GRIN2B: variants seen among roughly 807,000 people sequenced by gnomAD.
The protein encoded by GRIN2B is glutamate receptor ionotropic, NMDA 2B.
In GRIN2B, 5 loss-of-function variants were observed where a neutral mutation model predicts 114.5. The ratio of observed to expected loss-of-function variants is 0.04; its 90% CI spans 0.02 to 0.09. The LOEUF is 0.09. Among genes scored for constraint, GRIN2B ranks in the 10% least tolerant of loss-of-function variants. The pLI is 1.00. For missense variants in GRIN2B, 1,108 were observed against 1,943.5 expected (o/e 0.57, Z 8.08); for synonymous variants, 787 against 745.1 (o/e 1.06, Z -0.92).
chr12:13,643,484 C>T (rs571137521), intron 5 of GRIN2B, among the ~76,000 whole-genome samples: 3 of 152,226 alleles, frequency 2.0e-5, no homozygotes, highest in South Asian at 2.1e-4. Flanking sequence ...AGGAGGATCT[C>T]GCCTCCACGT....
chr12:13,590,519 A>G (rs185574918), intron 10 of GRIN2B, among the ~76,000 whole-genome samples: 1 of 151,996 alleles, frequency 6.6e-6, no homozygotes, highest in East Asian at 1.9e-4. Flanking sequence ...TTAGTTTCTC[A>G]CTAGTTTGTT....
chr12:13,855,070 T>G (rs1202342141), intron 3 of GRIN2B, among the ~76,000 whole-genome samples: 1 of 62,528 alleles, frequency 1.6e-5, no homozygotes, highest in African/African-American at 7.1e-5. Flanking sequence ...AAAAAAAAAA[T>G]TGCCTGGCGT....
chr12:13,681,879 T>C (rs10492133), intron 4 of GRIN2B, among the ~76,000 whole-genome samples: 26,025 of 152,080 alleles, frequency 0.17, 2,375 homozygotes, highest in South Asian at 0.21. Context: ...CTCTCTACCA[T>C]GTGAATGGAA....
intron 4 of GRIN2B, among the ~76,000 whole-genome samples, chr12:13,684,638 A>AT (rs1950161211): frequency 6.6e-6 from 1 of 152,132 alleles, no homozygotes. Flanking sequence ...TCACTGGATT[A>AT]TTTTTCCTTT....
At position 13,563,922 on chromosome 12, in the gene GRIN2B, C is replaced by G; in HGVS notation, c.3316G>C (p.Glu1106Gln). 1 of 1,614,162 alleles carries G rather than the reference C, an allele frequency of 6.2e-7. No homozygotes were observed. Among genetic ancestry groups the G allele is most frequent in the Non-Finnish European group, 8.5e-7 (1 of 1,180,010 alleles). ...GGCGGTCGGCGACGGTAGGCCAGCT[C>G]GATCTCGTCAAACTCCCTGCGGGAC... The part of the protein sequence containing the change: ...AKSRREFDEI[E>Q]LAYRRRPPRS... Residue 1106 changes from glutamate to glutamine, a missense_variant, in exon 14 of 14, where the codon GAG becomes CAG. Physicochemically the swap from Glu to Gln is conservative, Grantham distance 29 (BLOSUM62 2). Around this residue, in one of 19 missense-constraint regions of GRIN2B, gnomAD observed 18 missense variants for 23.6 expected, o/e 0.76. Transcript: ENST00000609686.
chr12:13,777,603 A>G (rs1001813967), intron 3 of GRIN2B, among the ~76,000 whole-genome samples: 1 of 152,198 alleles, frequency 6.6e-6, no homozygotes, highest in African/African-American at 2.4e-5. Context: ...CCTAAACAAG[A>G]GAAGGTGCCT....
chr12:13,956,350 C>G (rs955998544), intron 2 of GRIN2B, among the ~76,000 whole-genome samples: 4 of 152,128 alleles, frequency 2.6e-5, no homozygotes, highest in Non-Finnish European at 5.9e-5. Flanking sequence ...TAAAGGCTTC[C>G]GAGGAGGCAG....
intron 3 of GRIN2B, among the ~76,000 whole-genome samples, chr12:13,861,882 G>A (rs144431122): frequency 4.6e-5 from 7 of 152,284 alleles, no homozygotes; most frequent in African/African-American, 1.7e-4. Context: ...ATGGCCTTCA[G>A]CTTCACCTGC....
rs1325009200 is a variant in GRIN2B, at chr12:13,547,853, T to C, written c.*14930A>G. 2.0e-5 allele frequency: 3 copies of C among 151,572 alleles called. No homozygotes were observed. Among genetic ancestry groups the C allele is most frequent in the Non-Finnish European group, 4.4e-5 (3 of 67,920 alleles). 9.4% of individuals were successfully genotyped at this position (151,572 alleles called of 1,614,324 possible). ...TTGTCGCAGTGTTGAAACTCTGAGA[T>C]AAGAATTCCTTGCCCATCTTCTAAC... On this transcript the variant is annotated 3_prime_UTR_variant, in exon 14 of 14. Coordinates refer to ENST00000609686, the MANE Select transcript of GRIN2B (RefSeq NM_000834.5).
At chr12:13,794,494 C>T (rs1286880540) in intron 3 of GRIN2B, among the ~76,000 whole-genome samples, 1 of 152,192 alleles carries the variant, frequency 6.6e-6, no homozygotes, top group East Asian at 1.9e-4. Flanking sequence ...CTGTGAACCA[C>T]TCCCCACTAA....
intron 4 of GRIN2B, among the ~76,000 whole-genome samples, chr12:13,682,054 C>T (rs1216467824): frequency 6.6e-6 from 1 of 152,012 alleles, no homozygotes; most frequent in Non-Finnish European, 1.5e-5. Flanking sequence ...AGAAAAGAGG[C>T]AAAGATATTT....
In GRIN2B at chr12:13,753,965, A is replaced by C; in HGVS notation, c.412-50T>G. 5 of 1,222,498 alleles carry C rather than the reference A, an allele frequency of 4.1e-6. No homozygotes were observed. Among genetic ancestry groups the C allele is most frequent in the South Asian group, 1.2e-5 (1 of 81,062 alleles). The allele number at this position is 1,222,498 out of a possible 1,614,324, so 75.7% of individuals were successfully genotyped here. A position where few individuals can be genotyped will look rare whatever the true frequency, so the allele number is the denominator to read the frequency against. On this transcript the variant is annotated intron_variant, in intron 3 of 13. Transcript: ENST00000609686. This position sits in a 1 kb window ranked among gnomAD's most constrained non-coding sequence, Gnocchi z 6.2. Reference sequence around the variant, plus strand: ...AGGAAGAGAGAAAAAAATCAAACCAAAGATGGTAATGGAGATTTTGAACCA... The same window carrying C: ...AGGAAGAGAGAAAAAAATCAAACCACAGATGGTAATGGAGATTTTGAACCA...
At chr12:13,660,470 C>T (rs17760854) in intron 5 of GRIN2B, among the ~76,000 whole-genome samples, 2,009 of 152,236 alleles carry the variant, frequency 0.013, 21 homozygotes, top group Non-Finnish European at 0.019. Flanking sequence ...CTGAAGCTAA[C>T]TGATTGATAA....
intron 2 of GRIN2B, among the ~76,000 whole-genome samples, chr12:13,937,437 A>G (rs190709240): frequency 6.6e-6 from 1 of 152,190 alleles, no homozygotes; most frequent in Non-Finnish European, 1.5e-5. Flanking sequence ...AGTACAGGGA[A>G]ACAAGGATAA....
chr12:13,924,005 C>A (rs1866870909), intron 2 of GRIN2B, among the ~76,000 whole-genome samples: 1 of 152,146 alleles, frequency 6.6e-6, no homozygotes, highest in Non-Finnish European at 1.5e-5. Context: ...ATTTTCTTCT[C>A]AGTTTTGGAG....
intron 2 of GRIN2B, among the ~76,000 whole-genome samples, chr12:13,922,158 G>A (rs1010232008): frequency 6.6e-6 from 1 of 152,168 alleles, no homozygotes; most frequent in Non-Finnish European, 1.5e-5. Context: ...GATTTGAGTA[G>A]TGTAAAATAT....
At chr12:13,627,429 A>G (rs1949578960) in intron 5 of GRIN2B, among the ~76,000 whole-genome samples, 2 of 152,238 alleles carry the variant, frequency 1.3e-5, no homozygotes, top group African/African-American at 4.8e-5. Context: ...ATTAAATAAA[A>G]TAATGTACAT....
In GRIN2B at chr12:13,586,220, A is replaced by G. The variant is rs112422285; in HGVS notation, c.2011-14256T>C. ...ACAGGGAGGTAAATGATATACAGAA[A>G]TTAAGACACAAAAGACCATACATGG... On this transcript the variant is annotated intron_variant, in intron 10 of 13. Coordinates refer to ENST00000609686, the MANE Select transcript of GRIN2B (RefSeq NM_000834.5). 5.6e-3 allele frequency among the ~76,000 whole-genome samples: 852 copies of G among 152,346 alleles called. 13 individuals are homozygous for G. Among genetic ancestry groups the G allele is most frequent in the African/African-American group, 0.019 (794 of 41,582 alleles).
At chr12:13,764,985 C>T (rs1200409134) in intron 3 of GRIN2B, among the ~76,000 whole-genome samples, 5 of 152,194 alleles carry the variant, frequency 3.3e-5, no homozygotes, top group Admixed American at 3.3e-4. Context: ...AGTATGAGTG[C>T]AACATGCAGT....
Sources: allele counts gnomAD v4.1 joint callset (sites outside exome capture counted in the v4.1 genomes callset), GRCh38; gene constraint gnomAD v4.1.1; regional missense constraint gnomAD v4.1.1; non-coding constraint Gnocchi (gnomAD v3.1); transcripts MANE v1.5; gene names NCBI Gene and HGNC (gene_info 2026-07-23, HGNC 2026-07-21).